CDC42EP5: variants seen among roughly 807,000 people sequenced by gnomAD.
CDC42EP5 encodes the protein CDC42 effector protein 5.
For missense variants in CDC42EP5, 269 were observed against 238.0 expected (o/e 1.13, Z -0.86); for synonymous variants, 118 against 123.3 (o/e 0.96, Z 0.28).
At chr19:54,465,658 T>G in intron 2 of CDC42EP5, 111 bp from the exon 3 acceptor site, 1 of 1,260,604 alleles carries the variant, frequency 7.9e-7, no homozygotes, top group Non-Finnish European at 1.0e-6. Flanking sequence ...TGATTTTTGT[T>G]TTTGAGACGG....
At chr19:54,468,932 T>TTTC (rs1476209524) in intron 2 of CDC42EP5, among the ~76,000 whole-genome samples, 3 of 43,200 alleles carry the variant, frequency 6.9e-5, no homozygotes, top group Non-Finnish European at 9.6e-5. Flanking sequence ...TCTTTCTTTC[T>TTTC]TTTCTTCCCT....
chr19:54,469,293 C>T (rs926071089), intron 2 of CDC42EP5, among the ~76,000 whole-genome samples: 1 of 152,088 alleles, frequency 6.6e-6, no homozygotes, highest in African/African-American at 2.4e-5. Flanking sequence ...CACACCCGGC[C>T]CCTACTCTGA....
In CDC42EP5 at chr19:54,465,436, G is replaced by C. The variant is rs751242744; in HGVS notation, c.112C>G (p.Arg38Gly). ...GDFRHTLHVG[R>G]GGDAFGDTSF... The stretch of plus-strand genomic sequence containing the variant: ...GTGTCCCCGAAGGCGTCGCCGCCGC[G>C]CCCCACGTGCAGCGTGTGCCGGAAG... Residue 38 changes from arginine (R) to glycine (G), a missense_variant, in exon 3 of 3, where the codon CGC becomes GGC. Transcript: ENST00000301200. 26 of 1,492,386 alleles carry C rather than the reference G, an allele frequency of 1.7e-5. No homozygotes were observed. The highest frequency in any genetic ancestry group is 2.2e-5 in the Non-Finnish European group (25 of 1,130,858). 92.4% of individuals were successfully genotyped at this position (1,492,386 alleles called of 1,614,324 possible).
Position 54,465,318 on chromosome 19 carries a change from G to C in CDC42EP5, c.230C>G (p.Pro77Arg). Residue 77 changes from proline (P) to arginine (R), a missense_variant, in exon 3 of 3, where the codon CCG becomes CGG. By Grantham distance (103) the Pro-to-Arg change is moderately radical. Transcript: ENST00000301200. ...GGCAGGCGAGGGCGCTGCGGACTGC[G>C]GGACGGCGGGCGGCGGCGGGGAGCG... Reference protein sequence around the residue: ...APRSPPPPAVPQSAAPSPADP... With the variant: ...APRSPPPPAVRQSAAPSPADP... 8.3e-7 allele frequency: 1 copy of C among 1,205,142 alleles called. No individual in the cohort carries two copies. The highest frequency in any genetic ancestry group is 3.4e-5 in the East Asian group (1 of 29,524). 74.7% of individuals were successfully genotyped at this position (1,205,142 alleles called of 1,614,324 possible).
rs763704316 is a variant in CDC42EP5, at chr19:54,465,435, C to T, written c.113G>A (p.Arg38His). ...GDFRHTLHVG[R>H]GGDAFGDTSF... Reference sequence around the variant, plus strand: ...GGTGTCCCCGAAGGCGTCGCCGCCGCGCCCCACGTGCAGCGTGTGCCGGAA... The same window carrying T: ...GGTGTCCCCGAAGGCGTCGCCGCCGTGCCCCACGTGCAGCGTGTGCCGGAA... The change falls in exon 3 of 3, where the codon CGC becomes CAC. Residue 38 changes from arginine to histidine, a missense_variant. Coordinates refer to ENST00000301200, the MANE Select transcript of CDC42EP5 (RefSeq NM_145057.4). The T allele has an allele frequency of 6.7e-7, 1 of 1,491,374 alleles. No homozygotes were observed. The highest frequency in any genetic ancestry group is 2.3e-5 in the Admixed American group (1 of 43,406). 92.4% of individuals were successfully genotyped at this position (1,491,374 alleles called of 1,614,324 possible).
At chr19:54,469,434 G>A (rs1444657912) in intron 2 of CDC42EP5, among the ~76,000 whole-genome samples, 1 of 152,138 alleles carries the variant, frequency 6.6e-6, no homozygotes, top group Non-Finnish European at 1.5e-5. Context: ...CACTTGCTCT[G>A]CTGTGGGTCA....
intron 2 of CDC42EP5, among the ~76,000 whole-genome samples, chr19:54,469,423 G>T (rs560636278): frequency 1.3e-5 from 2 of 152,272 alleles, no homozygotes; most frequent in Admixed American, 6.5e-5. Flanking sequence ...TATGATCTCA[G>T]CACTTGCTCT....
chr19:54,470,554 AAG>A (rs1189063903), intron 2 of CDC42EP5, among the ~76,000 whole-genome samples: 3 of 152,148 alleles, frequency 2.0e-5, no homozygotes, highest in African/African-American at 7.2e-5. Flanking sequence ...GAAAGAAAAA[AAG>A]AAGGAAAGAA....
intron 2 of CDC42EP5, among the ~76,000 whole-genome samples, chr19:54,470,888 C>CCT (rs1178337212): frequency 2.0e-5 from 3 of 152,128 alleles, no homozygotes; most frequent in African/African-American, 7.2e-5. Flanking sequence ...CGAGAGATTT[C>CCT]CTCTGACACC....
intron 1 of CDC42EP5, 139 bp downstream of exon 1, chr19:54,472,925 C>T (rs1171618878): frequency 1.0e-5 from 1 of 97,354 alleles, no homozygotes; most frequent in African/African-American, 4.3e-5. Flanking sequence ...CCCCCAGCCC[C>T]TCCTCCCTCA....
chr19:54,465,761 G>T (rs372752112), intron 2 of CDC42EP5, among the ~76,000 whole-genome samples: 2 of 152,068 alleles, frequency 1.3e-5, no homozygotes, highest in Admixed American at 1.3e-4. Flanking sequence ...TCAGTCTCCC[G>T]AGTAGCTGGG....
chr19:54,466,728 A>G (rs368500423), intron 2 of CDC42EP5, among the ~76,000 whole-genome samples: 3 of 152,240 alleles, frequency 2.0e-5, no homozygotes, highest in Middle Eastern at 3.2e-3. Context: ...TTCAAACAAT[A>G]TAACAATTAT....
intron 2 of CDC42EP5, among the ~76,000 whole-genome samples, chr19:54,468,365 AC>A (rs2084783817): frequency 2.0e-5 from 3 of 152,060 alleles, no homozygotes; most frequent in Admixed American, 2.0e-4. Context: ...ACACACACAC[AC>A]ACACACACAC....
chr19:54,471,168 C>A (rs2084830116), intron 2 of CDC42EP5, among the ~76,000 whole-genome samples: 1 of 152,202 alleles, frequency 6.6e-6, no homozygotes, highest in South Asian at 2.1e-4. Context: ...AGGCAGAAAG[C>A]GGGGCGCGAC....
intron 2 of CDC42EP5, among the ~76,000 whole-genome samples, chr19:54,466,563 A>G (rs2084758278): frequency 6.6e-6 from 1 of 152,172 alleles, no homozygotes; most frequent in Non-Finnish European, 1.5e-5. Flanking sequence ...CCCACCACGC[A>G]CACGAGGAAG....
chr19:54,468,904 C>T (rs1026176185), intron 2 of CDC42EP5, among the ~76,000 whole-genome samples: 10 of 136,460 alleles, frequency 7.3e-5, no homozygotes, highest in Non-Finnish European at 1.3e-4. Flanking sequence ...TCCTTCCTTC[C>T]TTCCTTCCTT....
At chr19:54,466,362 C>T (rs766597805) in intron 2 of CDC42EP5, among the ~76,000 whole-genome samples, 90 of 152,128 alleles carry the variant, frequency 5.9e-4, no homozygotes, top group Non-Finnish European at 1.1e-3. Flanking sequence ...ACCCCGGAGG[C>T]GGAGGTTGCA....
Position 54,468,920 on chromosome 19 carries a change from C to CTTCCTTCCTTCCTTCCTTCT in CDC42EP5, c.-1+2624_-1+2625insAGAAGGAAGGAAGGAAGGAA, listed in dbSNP as rs753994637. On this transcript the variant is annotated intron_variant, in intron 2 of 2. Coordinates refer to ENST00000301200, the MANE Select transcript of CDC42EP5 (RefSeq NM_145057.4). ...CCTTCCTTCCTTCCTTCCTTCCTTC[C>CTTCCTTCCTTCCTTCCTTCT]TTCTTTCTTTCTTTTCTTCCCTCCC... Among the ~76,000 whole-genome samples the CTTCCTTCCTTCCTTCCTTCT allele has an allele frequency of 2.6e-3, 326 of 124,002 alleles. 3 individuals carry two copies. The highest frequency in any genetic ancestry group is 8.3e-3 in the African/African-American group (293 of 35,346). 81.4% of individuals were successfully genotyped at this position (124,002 alleles called of 152,430 possible). A position where few individuals can be genotyped will look rare whatever the true frequency, so the allele number is the denominator to read the frequency against.
chr19:54,465,846 G>A (rs962111928), intron 2 of CDC42EP5, among the ~76,000 whole-genome samples: 1 of 152,008 alleles, frequency 6.6e-6, no homozygotes, highest in African/African-American at 2.4e-5. Flanking sequence ...TGTTGGCCAG[G>A]CTGGTCTTGA....
Sources: gnomAD v4.1 joint callset for allele counts (sites outside exome capture counted in the v4.1 genomes callset) on GRCh38, gnomAD v4.1.1 for gene constraint, MANE v1.5 for transcripts, NCBI Gene and HGNC (gene_info 2026-07-23, HGNC 2026-07-21) for gene names.